STARD13: variants seen among roughly 807,000 people sequenced by gnomAD.
STARD13 encodes StAR related lipid transfer domain containing 13.
In STARD13, 62 loss-of-function variants were observed where a neutral mutation model predicts 106.4. That is an observed-to-expected ratio of 0.58 (90% CI 0.48 to 0.72). STARD13 has a LOEUF of 0.72. Among genes scored for constraint, STARD13 ranks in the 30% least tolerant of loss-of-function variants. The pLI, the probability that STARD13 is intolerant of heterozygous loss-of-function variation, is 0.00. For synonymous variants in STARD13, 565 were observed against 553.0 expected, an observed-to-expected ratio of 1.02 and a Z score of -0.31; for missense variants, 1,387 against 1,424.0, an observed-to-expected ratio of 0.97 and a Z score of 0.42.
At chr13:33,134,411 T>A (rs1878780313) in intron 4 of STARD13, among the ~76,000 whole-genome samples, 2 of 152,206 alleles carry the variant, frequency 1.3e-5, no homozygotes, top group Admixed American at 1.3e-4. Flanking sequence ...TACAGAGAGT[T>A]TTGTCAGTAA....
chr13:33,543,919 T>G, the STARD13 span, among the ~76,000 whole-genome samples: 3 of 152,220 alleles, frequency 2.0e-5, no homozygotes, highest in Non-Finnish European at 4.4e-5. Context: ...CCTGCACAAG[T>G]TAGTAGTCCT....
chr13:33,613,930 G>A, the STARD13 span, among the ~76,000 whole-genome samples: 1 of 152,162 alleles, frequency 6.6e-6, no homozygotes, highest in African/African-American at 2.4e-5. Context: ...GCAGAAGGCA[G>A]GGGAGAAGCA....
intron 1 of STARD13, among the ~76,000 whole-genome samples, chr13:33,210,472 T>C (rs536704558): frequency 1.3e-5 from 2 of 152,324 alleles, no homozygotes; most frequent in South Asian, 4.1e-4. Flanking sequence ...CATTGTTGAC[T>C]AGATAATAAT....
the STARD13 span, among the ~76,000 whole-genome samples, chr13:33,356,157 G>A: frequency 2.6e-5 from 4 of 152,180 alleles, no homozygotes; most frequent in Non-Finnish European, 5.9e-5. Context: ...AATTTCTGAT[G>A]GCATTCACAG....
chr13:33,279,171 C>G (rs1891620653), intron 1 of STARD13, among the ~76,000 whole-genome samples: 1 of 152,160 alleles, frequency 6.6e-6, no homozygotes, highest in Non-Finnish European at 1.5e-5. Context: ...TCCACTAAAT[C>G]TCCATCTATT....
intron 1 of STARD13, among the ~76,000 whole-genome samples, chr13:33,175,161 C>T (rs888875919): frequency 2.0e-5 from 3 of 152,200 alleles, no homozygotes; most frequent in Non-Finnish European, 4.4e-5. Context: ...TGTTTTGACT[C>T]AAGTTTTCCA....
chr13:33,420,974 A>G, the STARD13 span, among the ~76,000 whole-genome samples: 9 of 152,228 alleles, frequency 5.9e-5, no homozygotes, highest in African/African-American at 1.9e-4. Flanking sequence ...GGAAATTTAT[A>G]GCACTAAATG....
chr13:33,361,989 G>A, the STARD13 span, among the ~76,000 whole-genome samples: 1 of 152,102 alleles, frequency 6.6e-6, no homozygotes, highest in Non-Finnish European at 1.5e-5. Context: ...TAATATATTT[G>A]TTGTAATTAT....
chr13:33,551,360 C>G, the STARD13 span, among the ~76,000 whole-genome samples: 14 of 152,074 alleles, frequency 9.2e-5, no homozygotes, highest in Non-Finnish European at 1.8e-4. Flanking sequence ...GTGGAATTTT[C>G]AACTTGTGAC....
At chr13:33,494,533 C>G in the STARD13 span, among the ~76,000 whole-genome samples, 8 of 152,252 alleles carry the variant, frequency 5.3e-5, no homozygotes, top group East Asian at 1.2e-3. Flanking sequence ...CTCTCCTGCT[C>G]TACCTCCCCC....
At chr13:33,528,246 A>ATATATATACATATATATGTG in the STARD13 span, among the ~76,000 whole-genome samples, 3 of 129,964 alleles carry the variant, frequency 2.3e-5, no homozygotes, top group Admixed American at 7.7e-5. Flanking sequence ...ATATATACAT[A>ATATATATACATATATATGTG]TATATATATA....
At chr13:33,523,567 G>A in the STARD13 span, among the ~76,000 whole-genome samples, 1 of 152,006 alleles carries the variant, frequency 6.6e-6, no homozygotes, top group African/African-American at 2.4e-5. Context: ...CAGGACTTAT[G>A]AAGGCCTACT....
chr13:33,237,667 C>T (rs895860146), intron 1 of STARD13, among the ~76,000 whole-genome samples: 1 of 152,146 alleles, frequency 6.6e-6, no homozygotes, highest in Non-Finnish European at 1.5e-5. Context: ...TCTCCCCCCT[C>T]ACCACCATCC....
chr13:33,287,627 A>G (rs1037774200), upstream of STARD13, among the ~76,000 whole-genome samples: 21 of 152,120 alleles, frequency 1.4e-4, no homozygotes, highest in Admixed American at 1.3e-3. Flanking sequence ...CGAGCACCAT[A>G]TTGCAAAGTT....
chr13:33,207,903 T>G (rs1793088258), intron 1 of STARD13, among the ~76,000 whole-genome samples: 1 of 152,316 alleles, frequency 6.6e-6, no homozygotes, highest in South Asian at 2.1e-4. Flanking sequence ...GGGCTGCTCC[T>G]GCTCCTACCC....
At chr13:33,663,218 T>G in the STARD13 span, among the ~76,000 whole-genome samples, 1 of 152,140 alleles carries the variant, frequency 6.6e-6, no homozygotes, top group African/African-American at 2.4e-5. Flanking sequence ...CCCAAAGAGC[T>G]GGGATTACAG....
the STARD13 span, among the ~76,000 whole-genome samples, chr13:33,674,037 T>A: frequency 8.6e-3 from 1,302 of 152,104 alleles, 26 homozygotes; most frequent in African/African-American, 0.03. Flanking sequence ...ATTTTGTATT[T>A]TTAGTAGAGA....
chr13:33,668,405 G>A, the STARD13 span, among the ~76,000 whole-genome samples: 8 of 152,316 alleles, frequency 5.3e-5, no homozygotes, highest in South Asian at 1.7e-3. Flanking sequence ...CAACCTGGTG[G>A]TGGGCATTGT....
the STARD13 span, among the ~76,000 whole-genome samples, chr13:33,639,750 G>A: frequency 1.3e-3 from 191 of 152,282 alleles, 1 homozygote; most frequent in African/African-American, 4.4e-3. Context: ...TAAGGCAAAA[G>A]CCAAACTGTA....
Sources: gnomAD v4.1 joint callset for allele counts (sites outside exome capture counted in the v4.1 genomes callset) on GRCh38, gnomAD v4.1.1 for gene constraint, MANE v1.5 for transcripts, NCBI Gene and HGNC (gene_info 2026-07-23, HGNC 2026-07-21) for gene names.